GASK1B: variants seen among roughly 807,000 people sequenced by gnomAD.
The protein encoded by GASK1B is Golgi-associated kinase 1B.
GASK1B carries 34 observed loss-of-function variants against 42.8 expected under a neutral mutation model. That is an observed-to-expected ratio of 0.79 (90% CI 0.60 to 1.06). The LOEUF is 1.06. Ranked by LOEUF, GASK1B falls within the 50% of genes least tolerant of loss-of-function variation. GASK1B has a pLI of 0.00. For missense variants in GASK1B, 686 were observed against 661.0 expected, an observed-to-expected ratio of 1.04 and a Z score of -0.42; for synonymous variants, 262 against 259.1, an observed-to-expected ratio of 1.01 and a Z score of -0.11.
At chr4:158,148,733 G>A (rs1249750001) in intron 3 of GASK1B, among the ~76,000 whole-genome samples, 1 of 152,124 alleles carries the variant, frequency 6.6e-6, no homozygotes. Context: ...GGCAGAGGGG[G>A]CAAGAGATTT....
chr4:158,169,462 A>G (rs1355014175), intron 2 of GASK1B: 2 of 152,246 alleles, frequency 1.3e-5, no homozygotes, highest in Admixed American at 1.3e-4. Flanking sequence ...GTTGGGTCTC[A>G]GCCACTCCCA....
intron 2 of GASK1B, among the ~76,000 whole-genome samples, chr4:158,161,989 G>GC (rs1732036597): frequency 2.6e-5 from 4 of 152,144 alleles, no homozygotes; most frequent in Admixed American, 2.0e-4. Context: ...CTCACATCGT[G>GC]CCCCTAAACC....
intron 2 of GASK1B, among the ~76,000 whole-genome samples, chr4:158,166,803 A>T (rs1732246831): frequency 6.6e-6 from 1 of 152,074 alleles, no homozygotes; most frequent in African/African-American, 2.4e-5. Context: ...ATATTTAGTT[A>T]TTTATAACTA....
intron 2 of GASK1B, chr4:158,170,051 C>G: frequency 1.6e-6 from 1 of 617,434 alleles, no homozygotes; most frequent in Admixed American, 3.1e-5. Flanking sequence ...CCGCTTCCCC[C>G]TTACTTTTAA....
chr4:158,150,574 T>C (rs1731519668), intron 3 of GASK1B, among the ~76,000 whole-genome samples: 1 of 152,216 alleles, frequency 6.6e-6, no homozygotes, highest in Non-Finnish European at 1.5e-5. Context: ...TATCAACCTG[T>C]GGCAGACTAC....
intron 2 of GASK1B, among the ~76,000 whole-genome samples, chr4:158,168,118 T>G (rs2111022732): frequency 6.6e-6 from 1 of 152,356 alleles, no homozygotes; most frequent in South Asian, 2.1e-4. Context: ...TCTAAATGAC[T>G]AAGTAGAAGA....
Position 158,170,594 on chromosome 4 carries a change from C to T in GASK1B, c.782G>A (p.Gly261Asp). ...CTTGAGAAGCCCACAGGGGCTAGGG[C>T]CACAGCGGAGCACAGCGCCAGGTGC... ...GGAPGAVLRC[G>D]PSPCGLLKQP... Residue 261 changes from glycine (G) to aspartate (D), a missense_variant, in exon 2 of 5, where the codon GGC becomes GAC. Coordinates refer to ENST00000585682, the MANE Select transcript of GASK1B (RefSeq NM_001128424.2). 1.2e-6 allele frequency: 2 copies of T among 1,613,998 alleles called. No homozygotes were observed. Among genetic ancestry groups the T allele is most frequent in the South Asian group, 1.1e-5 (1 of 91,090 alleles).
At chr4:158,133,877 T>G (rs1730778874) in intron 3 of GASK1B, among the ~76,000 whole-genome samples, 1 of 152,186 alleles carries the variant, frequency 6.6e-6, no homozygotes, top group East Asian at 1.9e-4. Context: ...CAGATCTATA[T>G]ATGTACTTGA....
intron 2 of GASK1B, among the ~76,000 whole-genome samples, chr4:158,167,698 G>A (rs1420350075): frequency 1.3e-5 from 2 of 152,120 alleles, no homozygotes; most frequent in African/African-American, 4.8e-5. Context: ...GGAAGGAACA[G>A]ATGATTAAAT....
Position 158,155,775 on chromosome 4 carries a change from T to G in GASK1B, c.961A>C (p.Ser321Arg), listed in dbSNP as rs1731735663. Residue 321 changes from serine (S) to arginine (R), a missense_variant, in exon 3 of 5, where the codon AGT becomes CGT. Physicochemically the swap from Ser to Arg is moderately radical, Grantham distance 110 (BLOSUM62 -1). Coordinates refer to ENST00000585682, the MANE Select transcript of GASK1B (RefSeq NM_001128424.2). ...TTAACAGAAGAATGGGTGTCATTAC[T>G]TGCTGAAGATAAAGATGCATCCCAA... Reference protein sequence around the residue: ...ILWDASLSSASNDTHSSVKLT... With the variant: ...ILWDASLSSARNDTHSSVKLT... The G allele has an allele frequency of 1.2e-6, 2 of 1,613,880 alleles. No homozygotes were observed. The highest frequency in any genetic ancestry group is 1.7e-6 in the Non-Finnish European group (2 of 1,179,812).
Position 158,155,624 on chromosome 4 carries a change from T to A in GASK1B, c.1112A>T (p.Asp371Val). 6.2e-7 allele frequency: 1 copy of A among 1,613,348 alleles called. No individual in the cohort carries two copies. Among genetic ancestry groups the A allele is most frequent in the Non-Finnish European group, 8.5e-7 (1 of 1,179,506 alleles). ...TGATAAACTTACCTGTAACAAAAAA[T>A]CAAAGAGTGCCATCTTGGACCACTC... ...HHEWSKMALF[D>V]FLLQIYNRLD... Residue 371 changes from aspartate to valine, a missense_variant, in exon 3 of 5, where the codon GAT (aspartate) becomes GTT (valine). By Grantham distance (152) the Asp-to-Val change is radical. Transcript: ENST00000585682.
chr4:158,145,455 A>G (rs1001991684), intron 3 of GASK1B, among the ~76,000 whole-genome samples: 7 of 152,196 alleles, frequency 4.6e-5, no homozygotes, highest in African/African-American at 1.7e-4. Flanking sequence ...ACCTTTAGGG[A>G]ACAGGATATT....
intron 3 of GASK1B, among the ~76,000 whole-genome samples, chr4:158,154,667 T>A (rs188687635): frequency 6.6e-6 from 1 of 152,306 alleles, no homozygotes; most frequent in East Asian, 1.9e-4. Flanking sequence ...CATAGAATAC[T>A]ACTGATGCAT....
At chr4:158,149,892 G>A (rs894940022) in intron 3 of GASK1B, among the ~76,000 whole-genome samples, 1 of 139,394 alleles carries the variant, frequency 7.2e-6, no homozygotes, top group African/African-American at 2.6e-5. Context: ...AATTCTTCAT[G>A]GCAACATCTT....
At chr4:158,148,104 C>G (rs541645351) in intron 3 of GASK1B, among the ~76,000 whole-genome samples, 1 of 152,078 alleles carries the variant, frequency 6.6e-6, no homozygotes, top group Non-Finnish European at 1.5e-5. Context: ...GTCCCAGTTA[C>G]TCAGGAGGCT....
At chr4:158,133,207 T>G (rs1730749502) in intron 3 of GASK1B, among the ~76,000 whole-genome samples, 1 of 152,190 alleles carries the variant, frequency 6.6e-6, no homozygotes, top group Non-Finnish European at 1.5e-5. Context: ...ATCACCCCTT[T>G]TTTTAAATAC....
chr4:158,149,950 A>ATTTTCC (rs1384163053), intron 3 of GASK1B, among the ~76,000 whole-genome samples: 2 of 1,926 alleles, frequency 1.0e-3, no homozygotes, highest in Non-Finnish European at 9.1e-3. Flanking sequence ...TTTGAGACGG[A>ATTTTCC]GTCTCACTCT....
chr4:158,132,597 G>C (rs1730724643), intron 3 of GASK1B, among the ~76,000 whole-genome samples: 1 of 152,176 alleles, frequency 6.6e-6, no homozygotes, highest in South Asian at 2.1e-4. Context: ...TCTGTTTACT[G>C]TATGTAAATG....
intron 3 of GASK1B, among the ~76,000 whole-genome samples, chr4:158,135,038 A>C (rs1730829478): frequency 6.6e-6 from 1 of 152,220 alleles, no homozygotes; most frequent in African/African-American, 2.4e-5. Context: ...GGCAATAAAA[A>C]GTACTATATT....
Sources: allele counts gnomAD v4.1 joint callset (sites outside exome capture counted in the v4.1 genomes callset), GRCh38; gene constraint gnomAD v4.1.1; transcripts MANE v1.5; gene names NCBI Gene and HGNC (gene_info 2026-07-23, HGNC 2026-07-21).